The following PSD3 variants were observed in gnomAD, a reference collection of about 807,000 sequenced individuals.
PSD3 encodes pleckstrin and Sec7 domain containing 3.
In PSD3, 49 loss-of-function variants were observed where a neutral mutation model predicts 105.5. The ratio of observed to expected loss-of-function variants is 0.46; its 90% CI spans 0.37 to 0.59. The LOEUF is 0.59. Ranked by LOEUF, PSD3 falls within the 20% of genes least tolerant of loss-of-function variation. PSD3 has a pLI of 0.00. For missense variants in PSD3, 1,561 were observed against 1,263.8 expected (o/e 1.24, Z -3.57); for synonymous variants, 557 against 457.8 (o/e 1.22, Z -2.77).
intron 8 of PSD3, among the ~76,000 whole-genome samples, chr8:18,788,578 T>C (rs1305556510): frequency 2.0e-5 from 3 of 152,204 alleles, no homozygotes; most frequent in Non-Finnish European, 4.4e-5. Flanking sequence ...GAATTAAGCA[T>C]AATGATTCTA....
At chr8:18,568,963 T>G (rs1801970572) in intron 14 of PSD3, among the ~76,000 whole-genome samples, 1 of 148,268 alleles carries the variant, frequency 6.7e-6, no homozygotes, top group Admixed American at 6.9e-5. Flanking sequence ...GGTGTTTGGT[T>G]TTTTGTTCTT....
At chr8:18,576,077 T>C (rs1585283112) in intron 12 of PSD3, among the ~76,000 whole-genome samples, 3 of 152,108 alleles carry the variant, frequency 2.0e-5, no homozygotes, top group South Asian at 4.1e-4. Context: ...TAAAGAAAGA[T>C]ATTGTCTGTT....
At chr8:18,817,287 T>G (rs1812294973) in intron 4 of PSD3, among the ~76,000 whole-genome samples, 1 of 152,232 alleles carries the variant, frequency 6.6e-6, no homozygotes, top group South Asian at 2.1e-4. Context: ...GCTTCCAAAG[T>G]TCGTGGGCTG....
At chr8:18,733,874 G>C (rs933937848) in intron 9 of PSD3, 2 of 152,430 alleles carry the variant, frequency 1.3e-5, no homozygotes, top group African/African-American at 2.4e-5. Context: ...TCCAATTATG[G>C]GAAAATGAAA....
At chr8:18,965,482 G>T (rs946272063) in intron 1 of PSD3, among the ~76,000 whole-genome samples, 4 of 152,204 alleles carry the variant, frequency 2.6e-5, no homozygotes, top group African/African-American at 9.7e-5. Flanking sequence ...GTGACAGCAA[G>T]CATCACACAC....
intron 4 of PSD3, among the ~76,000 whole-genome samples, chr8:18,814,317 A>AG: frequency 6.6e-6 from 1 of 152,274 alleles, no homozygotes; most frequent in South Asian, 2.1e-4. Context: ...ATTCCAGAAG[A>AG]GGGCACCCAC....
At chr8:18,782,184 A>C (rs1195593705) in intron 8 of PSD3, among the ~76,000 whole-genome samples, 1 of 151,900 alleles carries the variant, frequency 6.6e-6, no homozygotes, top group African/African-American at 2.4e-5. Flanking sequence ...TAATATTGGC[A>C]TCTGTTGCTG....
chr8:18,611,109 G>A (rs1301282357), intron 11 of PSD3, among the ~76,000 whole-genome samples: 2 of 152,056 alleles, frequency 1.3e-5, no homozygotes, highest in African/African-American at 4.8e-5. Context: ...TAAACTAAAT[G>A]GTAGCATGGC....
In PSD3 at chr8:18,635,173, A is replaced by G. The variant is rs1296341099; in HGVS notation, c.2217-2367T>C. 3.3e-5 allele frequency among the ~76,000 whole-genome samples: 5 copies of G among 152,248 alleles called. No homozygotes were observed. The South Asian group carries it at 1.0e-3, about 32-fold the overall frequency. Reference sequence around the variant, plus strand: ...CTCCTATGTCCTGTGAACATGCCTCATCTTCTAAAGGACTTCTTTACTTTC... The same window carrying G: ...CTCCTATGTCCTGTGAACATGCCTCGTCTTCTAAAGGACTTCTTTACTTTC... On this transcript the variant is annotated intron_variant, in intron 10 of 15. Transcript: ENST00000327040.
At chr8:18,615,243 T>C (rs538202881) in intron 11 of PSD3, among the ~76,000 whole-genome samples, 1 of 152,278 alleles carries the variant, frequency 6.6e-6, no homozygotes, top group South Asian at 2.1e-4. Flanking sequence ...TGCTCCACCC[T>C]AACTCATTCC....
chr8:18,965,782 A>C (rs1257744849), intron 1 of PSD3, among the ~76,000 whole-genome samples: 1 of 152,234 alleles, frequency 6.6e-6, no homozygotes, highest in East Asian at 1.9e-4. Context: ...TTTCACACCC[A>C]TGAGATGGAT....
rs1291390680 is a variant in PSD3, at chr8:18,615,570, T to G, written c.2411-15136A>C. Among the ~76,000 whole-genome samples, 4 of 152,256 alleles carry G rather than the reference T, an allele frequency of 2.6e-5. No individual in the cohort carries two copies. In the East Asian group the frequency reaches 7.7e-4, roughly 29 times the overall value. On this transcript the variant is annotated intron_variant, in intron 11 of 15. Coordinates refer to ENST00000327040, the MANE Select transcript of PSD3 (RefSeq NM_015310.4). ...CAGCACTGAAACTTTATATATAACA[T>G]TTGATAAGTTCGTTTATGTGAAAGG...
chr8:18,969,236 C>G (rs1227737705), intron 1 of PSD3, among the ~76,000 whole-genome samples: 2 of 152,256 alleles, frequency 1.3e-5, no homozygotes, highest in South Asian at 4.2e-4. Flanking sequence ...ACATCATAAC[C>G]ATACATTCTC....
intron 2 of PSD3, among the ~76,000 whole-genome samples, chr8:18,891,700 A>G (rs770275821): frequency 9.2e-5 from 14 of 152,040 alleles, no homozygotes; most frequent in Non-Finnish European, 1.9e-4. Flanking sequence ...TGTTTTAGTG[A>G]TCTCCATAAG....
intron 1 of PSD3, among the ~76,000 whole-genome samples, chr8:19,073,684 G>A (rs1193634054): frequency 6.6e-6 from 1 of 151,856 alleles, no homozygotes. Context: ...TTATAAGAGG[G>A]GTCACAAATT....
intron 1 of PSD3, among the ~76,000 whole-genome samples, chr8:18,988,951 G>A (rs746789712): frequency 3.3e-5 from 5 of 152,194 alleles, no homozygotes; most frequent in Non-Finnish European, 7.3e-5. Context: ...AGCCAGGGCC[G>A]AGCCCACCAT....
intron 2 of PSD3, among the ~76,000 whole-genome samples, chr8:18,912,844 T>C (rs1376147764): frequency 6.6e-6 from 1 of 152,046 alleles, no homozygotes; most frequent in Non-Finnish European, 1.5e-5. Context: ...AAAAAACATT[T>C]TCATGCAACA....
chr8:18,637,083 T>C (rs907270250), intron 10 of PSD3, among the ~76,000 whole-genome samples: 2 of 152,200 alleles, frequency 1.3e-5, no homozygotes, highest in Non-Finnish European at 2.9e-5. Flanking sequence ...CTGCAATATA[T>C]TGATTTGTTC....
At chr8:18,804,919 A>G in intron 4 of PSD3, 21 bp from the exon 5 acceptor site, 1 of 1,533,440 alleles carries the variant, frequency 6.5e-7, no homozygotes, top group South Asian at 1.2e-5. Context: ...TGATAAAGAG[A>G]GAAAATAATA....
Sources: allele counts gnomAD v4.1 joint callset (sites outside exome capture counted in the v4.1 genomes callset), GRCh38; gene constraint gnomAD v4.1.1; transcripts MANE v1.5; gene names NCBI Gene and HGNC (gene_info 2026-07-23, HGNC 2026-07-21).